USO1: variants seen among roughly 807,000 people sequenced by gnomAD.
The protein encoded by USO1 is general vesicular transport factor p115.
USO1 carries 57 observed loss-of-function variants against 124.5 expected under a neutral mutation model. The ratio of observed to expected loss-of-function variants is 0.46; its 90% CI spans 0.37 to 0.57. The LOEUF is 0.57. Ranked by LOEUF, USO1 falls within the 20% of genes least tolerant of loss-of-function variation. USO1 has a pLI of 0.00. For missense variants in USO1, 900 were observed against 1,040.6 expected (o/e 0.86, Z 1.86); for synonymous variants, 369 against 362.8 (o/e 1.02, Z -0.19).
chr4:75,787,292 A>G (rs954631469), intron 10 of USO1, 90 bp downstream of exon 10: 3 of 1,343,680 alleles, frequency 2.2e-6, no homozygotes, highest in Non-Finnish European at 2.9e-6. Flanking sequence ...AAAAACTACA[A>G]TAGTTAACCA....
chr4:75,724,879 C>T lies in USO1; in HGVS notation c.60C>T (p.Ala20=), dbSNP rs747985288. 5 of 1,613,002 alleles carry T rather than the reference C, an allele frequency of 3.1e-6. No homozygotes were observed. The African/African-American group carries it at 4.0e-5, about 13-fold the overall frequency. The change falls in exon 1 of 24, where the codon GCC becomes GCT. Residue 20 remains alanine (A), a synonymous_variant. Transcript: ENST00000514213. ...GQSAGPQHTE[A]ETIQKLCDRV... is the part of the protein sequence containing the mutation. ...GTGCCGGACCCCAGCACACAGAAGC[C>T]GAGACGGTGAGAGGAGCAGCGGGTC... is the stretch of plus-strand genomic sequence containing the variant.
Position 75,777,492 on chromosome 4 carries a change from A to G in USO1, c.676+2696A>G, listed in dbSNP as rs1722103756. ...ATATATTTAGAACTCTTAAAACTGA[A>G]AAATAAGAAAACAATAAGCCAATTT... On this transcript the variant is annotated intron_variant, in intron 8 of 23. Transcript: ENST00000514213. 2.0e-5 allele frequency among the ~76,000 whole-genome samples: 3 copies of G among 152,192 alleles called. No individual in the cohort carries two copies. In the South Asian group the frequency reaches 6.2e-4, roughly 32 times the overall value.
chr4:75,739,462 G>T (rs1163513473), intron 1 of USO1, among the ~76,000 whole-genome samples: 1 of 151,082 alleles, frequency 6.6e-6, no homozygotes, highest in East Asian at 2.0e-4. Flanking sequence ...TCTTGTTTCA[G>T]TTCTCATGCT....
At chr4:75,757,641 G>A (rs1182509904) in intron 4 of USO1, 68 bp downstream of exon 4, 2 of 1,302,502 alleles carry the variant, frequency 1.5e-6, no homozygotes, top group Non-Finnish European at 2.0e-6. Context: ...TAATTTTGCT[G>A]GTTTTAAAGT....
rs1337955006 is a variant in USO1, at chr4:75,747,736, A to AGTAGCTG, written c.67-4635_67-4629dup. Reference sequence around the variant, plus strand: ...GCCATTCTCCTGCCTCAGCGTCCTGAGTAGCTGGGACTACAGATGTCCACC... The same window carrying AGTAGCTG: ...GCCATTCTCCTGCCTCAGCGTCCTGAGTAGCTGGTAGCTGGGACTACAGATGTCCACC... On this transcript the variant is annotated intron_variant, in intron 1 of 23. Coordinates refer to ENST00000514213, the MANE Select transcript of USO1 (RefSeq NM_003715.4). 8.7e-5 allele frequency among the ~76,000 whole-genome samples: 13 copies of AGTAGCTG among 148,650 alleles called. No individual in the cohort carries two copies. In the Admixed American group the frequency reaches 8.9e-4, roughly 10 times the overall value.
intron 1 of USO1, among the ~76,000 whole-genome samples, chr4:75,750,518 T>C (rs1721272047): frequency 2.0e-5 from 3 of 152,110 alleles, no homozygotes. Flanking sequence ...AGGGTCTCGC[T>C]CTGTCAACAG....
intron 1 of USO1, among the ~76,000 whole-genome samples, chr4:75,737,095 G>C (rs1221773773): frequency 2.6e-5 from 4 of 152,112 alleles, no homozygotes; most frequent in Non-Finnish European, 4.4e-5. Context: ...ATGAAATGTT[G>C]GCCCAGAGAA....
intron 1 of USO1, among the ~76,000 whole-genome samples, chr4:75,741,953 G>A (rs1285696330): frequency 6.6e-6 from 1 of 152,004 alleles, no homozygotes; most frequent in African/African-American, 2.4e-5. Context: ...CACAGGGCAG[G>A]GTCATCAATA....
Position 75,770,424 on chromosome 4 carries a change from T to G in USO1, c.296-15T>G. On this transcript the variant is annotated splice_polypyrimidine_tract_variant and intron_variant, in intron 4 of 23. Coordinates refer to ENST00000514213, the MANE Select transcript of USO1 (RefSeq NM_003715.4). ...CTACTATTAAATTGAAATTCTTTAT[T>G]TTTGAATATTACAGAAGAAAATTCC... 3 of 1,514,650 alleles carry G rather than the reference T, an allele frequency of 2.0e-6. No individual in the cohort carries two copies. Among genetic ancestry groups the G allele is most frequent in the Non-Finnish European group, 2.7e-6 (3 of 1,130,604 alleles). 93.8% of individuals were successfully genotyped at this position (1,514,650 alleles called of 1,614,324 possible).
chr4:75,761,585 C>T (rs1273392272), intron 4 of USO1, among the ~76,000 whole-genome samples: 2 of 152,106 alleles, frequency 1.3e-5, no homozygotes, highest in Non-Finnish European at 2.9e-5. Context: ...GTTTTAGTTA[C>T]TGACATTTCT....
Position 75,757,494 on chromosome 4 carries a change from C to T in USO1, c.219-3C>T. ...TATAAGTGTAATAATTTCTTTTTTC[C>T]AGTTCAGATTCTGAAATAATAGGTT... On this transcript the variant is annotated splice_region_variant and splice_polypyrimidine_tract_variant and intron_variant, in intron 3 of 23. Coordinates refer to ENST00000514213, the MANE Select transcript of USO1 (RefSeq NM_003715.4). The T allele has an allele frequency of 1.3e-6, 2 of 1,495,690 alleles. No homozygotes were observed. Among genetic ancestry groups the T allele is most frequent in the African/African-American group, 1.4e-5 (1 of 69,578 alleles). The allele number at this position is 1,495,690 out of a possible 1,614,324, so 92.7% of individuals were successfully genotyped here.
intron 12 of USO1, among the ~76,000 whole-genome samples, chr4:75,792,864 C>T (rs1722570769): frequency 6.6e-6 from 1 of 152,124 alleles, no homozygotes; most frequent in African/African-American, 2.4e-5. Context: ...AACCACCTTT[C>T]TAATCTCTGT....
In USO1 at chr4:75,753,440, G is replaced by A. The variant is rs1482893277; in HGVS notation, c.218+836G>A. Among the ~76,000 whole-genome samples, 5 of 151,978 alleles carry A rather than the reference G, an allele frequency of 3.3e-5. No individual in the cohort carries two copies. In the South Asian group the frequency reaches 8.3e-4, roughly 25 times the overall value. On this transcript the variant is annotated intron_variant, in intron 3 of 23. Transcript: ENST00000514213. ...TCCCAGCTACTTGGGAGTCTGAGGT[G>A]GGAGAAATCACTTGAACCCAGGAGA...
chr4:75,780,721 C>T (rs1281084966), intron 8 of USO1, among the ~76,000 whole-genome samples: 4 of 133,874 alleles, frequency 3.0e-5, no homozygotes, highest in Admixed American at 8.7e-5. Context: ...AATCTCGGCT[C>T]ATTGCAGCCT....
chr4:75,775,845 G>A (rs1320765040), intron 8 of USO1, among the ~76,000 whole-genome samples: 1 of 152,158 alleles, frequency 6.6e-6, no homozygotes, highest in Non-Finnish European at 1.5e-5. Context: ...TTCTAAAAAA[G>A]GCATTTGGTT....
At chr4:75,800,090 G>A (rs1722801662) in intron 14 of USO1, among the ~76,000 whole-genome samples, 1 of 151,936 alleles carries the variant, frequency 6.6e-6, no homozygotes, top group Non-Finnish European at 1.5e-5. Flanking sequence ...TAGGATTACA[G>A]GTGTGCGCAA....
At position 75,771,071 on chromosome 4, in the gene USO1, G is replaced by T; in HGVS notation, c.500-11G>T. 4 of 1,609,780 alleles carry T rather than the reference G, an allele frequency of 2.5e-6. No individual in the cohort carries two copies. The highest frequency in any genetic ancestry group is 3.4e-6 in the Non-Finnish European group (4 of 1,178,858). On this transcript the variant is annotated splice_polypyrimidine_tract_variant and intron_variant, in intron 6 of 23. Transcript: ENST00000514213. ...GTCTGCCAGCATTTTTCACATGGTTGTATGTTCTAGGTGTTTCAAGATTGA... is the reference window on the plus strand; with the variant it reads ...GTCTGCCAGCATTTTTCACATGGTTTTATGTTCTAGGTGTTTCAAGATTGA...
chr4:75,726,525 G>A (rs746915903), intron 1 of USO1, among the ~76,000 whole-genome samples: 3 of 151,576 alleles, frequency 2.0e-5, no homozygotes, highest in Non-Finnish European at 2.9e-5. Context: ...CTTGAGCCCA[G>A]GAGTTTGAGA....
Position 75,752,476 on chromosome 4 carries a change from A to G in USO1, c.153+17A>G, listed in dbSNP as rs1348977632. ...TTATCTAAGGTTTGTAACTTTGTAAATGTTTTAAGTTTCTTAAGTTGGATA... is the reference window on the plus strand; with the variant it reads ...TTATCTAAGGTTTGTAACTTTGTAAGTGTTTTAAGTTTCTTAAGTTGGATA... On this transcript the variant is annotated intron_variant, in intron 2 of 23. Transcript: ENST00000514213. 2 of 398,316 alleles carry G rather than the reference A, an allele frequency of 5.0e-6. No homozygotes were observed. The highest frequency in any genetic ancestry group is 4.1e-5 in the African/African-American group (2 of 48,608). The allele number at this position is 398,316 out of a possible 1,614,324, so 24.7% of individuals were successfully genotyped here. A position where few individuals can be genotyped will look rare whatever the true frequency, so the allele number is the denominator to read the frequency against.
Sources: gnomAD v4.1 joint callset for allele counts (sites outside exome capture counted in the v4.1 genomes callset) on GRCh38, gnomAD v4.1.1 for gene constraint, MANE v1.5 for transcripts, NCBI Gene and HGNC (gene_info 2026-07-23, HGNC 2026-07-21) for gene names.